The following TNKS variants were observed in gnomAD, a reference collection of about 807,000 sequenced individuals.
TNKS encodes the protein poly [ADP-ribose] polymerase tankyrase-1.
A neutral mutation model predicts 135.8 loss-of-function variants in TNKS; 72 were observed. The observed-to-expected ratio is 0.53, with a 90% CI of 0.44 to 0.64. The LOEUF (loss-of-function observed/expected upper bound fraction) is 0.64. TNKS is among the 30% of genes least tolerant of loss of function. The probability of loss-of-function intolerance (pLI) is 0.00; values close to 1 mark genes in which losing one functional copy is unlikely to be tolerated. For synonymous variants in TNKS, 849 were observed against 649.3 expected (o/e 1.31, Z -4.68); for missense variants, 1,769 against 1,674.0 (o/e 1.06, Z -0.99).
chr8:9,609,135 G>C (rs73664756), intron 2 of TNKS, among the ~76,000 whole-genome samples: 2,283 of 151,850 alleles, frequency 0.015, 48 homozygotes, highest in African/African-American at 0.049. Context: ...AACACAATAA[G>C]CATGGTTCTT....
At chr8:9,766,736 G>A (rs1418371908) in intron 25 of TNKS, among the ~76,000 whole-genome samples, 1 of 151,902 alleles carries the variant, frequency 6.6e-6, no homozygotes, top group African/African-American at 2.4e-5. Flanking sequence ...TGCCCACCTC[G>A]GCCTCCCAAA....
chr8:9,598,323 A>G (rs1277196846), intron 2 of TNKS, among the ~76,000 whole-genome samples: 10 of 152,174 alleles, frequency 6.6e-5, no homozygotes, highest in Admixed American at 6.5e-4. Flanking sequence ...CTGGGATTAC[A>G]GGTGTGAGCC....
intron 1 of TNKS, among the ~76,000 whole-genome samples, chr8:9,560,416 A>G (rs1313043340): frequency 6.6e-6 from 1 of 150,738 alleles, no homozygotes; most frequent in Non-Finnish European, 1.5e-5. Flanking sequence ...ATCTACTACA[A>G]TACATATTTA....
At position 9,694,934 on chromosome 8, in the gene TNKS, T is replaced by TG. The variant is rs1803444403; in HGVS notation, c.1108-9728dup. On this transcript the variant is annotated intron_variant, in intron 5 of 26. Coordinates refer to ENST00000310430, the MANE Select transcript of TNKS (RefSeq NM_003747.3). ...GCTTTTAGATGAAAGGTGAGCTAGA[T>TG]GCTAGGCTATTCTGTCTAGATGGTA... Among the ~76,000 whole-genome samples, 4 of 152,324 alleles carry TG rather than the reference T, an allele frequency of 2.6e-5. No homozygotes were observed. In the South Asian group the frequency reaches 8.3e-4, roughly 32 times the overall value.
At chr8:9,596,138 T>A (rs1326649930) in intron 2 of TNKS, among the ~76,000 whole-genome samples, 1 of 152,094 alleles carries the variant, frequency 6.6e-6, no homozygotes, top group Non-Finnish European at 1.5e-5. Context: ...CATACATACG[T>A]ACATACACAC....
In TNKS at chr8:9,600,310, A is replaced by T. The variant is rs572257169; in HGVS notation, c.899-15272A>T. 5.3e-5 allele frequency among the ~76,000 whole-genome samples: 8 copies of T among 152,238 alleles called. No homozygotes were observed. In the South Asian group the frequency reaches 1.0e-3, roughly 20 times the overall value. ...TTTTTTTGAACTTTTAAGAATTTTA[A>T]TTAAAAGTTGTGGGGTTTTTTGAGA... On this transcript the variant is annotated intron_variant, in intron 2 of 26. Coordinates refer to ENST00000310430, the MANE Select transcript of TNKS (RefSeq NM_003747.3).
At chr8:9,769,972 A>T in intron 25 of TNKS, 134 bp from the exon 26 acceptor site, 1 of 725,030 alleles carries the variant, frequency 1.4e-6, no homozygotes, top group Non-Finnish European at 2.2e-6. Context: ...TCCCATTCCT[A>T]CTCATAAATC....
chr8:9,580,025 C>G, intron 1 of TNKS, 134 bp from the exon 2 acceptor site: 2 of 697,626 alleles, frequency 2.9e-6, no homozygotes, highest in Admixed American at 2.8e-5. Context: ...GCTAATGTTT[C>G]TTTTGTTTTA....
intron 3 of TNKS, among the ~76,000 whole-genome samples, chr8:9,654,504 T>C (rs1801272963): frequency 6.6e-6 from 1 of 152,260 alleles, no homozygotes; most frequent in Non-Finnish European, 1.5e-5. Flanking sequence ...ATGTTTTTAT[T>C]GGTTAAAGAA....
At chr8:9,562,332 A>T (rs1156248154) in intron 1 of TNKS, among the ~76,000 whole-genome samples, 2 of 152,036 alleles carry the variant, frequency 1.3e-5, no homozygotes, top group African/African-American at 4.8e-5. Context: ...AGAAATTTTA[A>T]ATTTAATTTA....
intron 5 of TNKS, among the ~76,000 whole-genome samples, chr8:9,695,556 T>C (rs1803475973): frequency 6.6e-6 from 1 of 152,116 alleles, no homozygotes. Flanking sequence ...TAGAGTGAGA[T>C]GAAGACCCAC....
intron 2 of TNKS, among the ~76,000 whole-genome samples, chr8:9,607,778 T>A (rs1371070886): frequency 6.6e-6 from 1 of 152,228 alleles, no homozygotes; most frequent in Non-Finnish European, 1.5e-5. Flanking sequence ...TCACAGAGAA[T>A]ATTTTAAAGA....
intron 1 of TNKS, among the ~76,000 whole-genome samples, chr8:9,565,613 C>A (rs1044835444): frequency 6.6e-6 from 1 of 152,226 alleles, no homozygotes; most frequent in South Asian, 2.1e-4. Context: ...GTAATCCCAG[C>A]ACTTTGGGAG....
Position 9,751,765 on chromosome 8 carries a change from G to A in TNKS, c.2989G>A (p.Gly997Ser), listed in dbSNP as rs1806547795. The change falls in exon 19 of 27, where the codon GGC becomes AGC. Residue 997 changes from glycine to serine, a missense_variant. Around this residue, in one of 5 missense-constraint regions of TNKS, gnomAD observed 722 missense variants for 688.9 expected, o/e 1.05. Transcript: ENST00000310430. ...SAASSIDNLT[G>S]PLAELAVGGA... Reference sequence around the variant, plus strand: ...TGCCAGCAGCATAGACAACCTCACTGGCCCTTTAGCAGAGTTGGCCGTAGG... The same window carrying A: ...TGCCAGCAGCATAGACAACCTCACTAGCCCTTTAGCAGAGTTGGCCGTAGG... 6.2e-7 allele frequency: 1 copy of A among 1,614,118 alleles called. No individual in the cohort carries two copies. The highest frequency in any genetic ancestry group is 8.5e-7 in the Non-Finnish European group (1 of 1,180,026).
intron 3 of TNKS, among the ~76,000 whole-genome samples, chr8:9,623,105 A>G (rs1055179298): frequency 1.3e-5 from 2 of 152,194 alleles, no homozygotes; most frequent in East Asian, 3.8e-4. Flanking sequence ...ACCTATTTTC[A>G]GACTGTGGTT....
rs754873361 is a variant in TNKS, at chr8:9,556,113, C to T, written c.174C>T (p.Ser58=). ...CCAGCGGCCTGGCCCCCTTCGCCTC[C>T]CCGCGGCACGGCCTAGCGCTGCCGG... The part of the protein sequence containing the change: ...PTASGLAPFA[S]PRHGLALPEG... The change falls in exon 1 of 27, where the codon TCC becomes TCT. Residue 58 remains serine (S), a synonymous_variant. Coordinates refer to ENST00000310430, the MANE Select transcript of TNKS (RefSeq NM_003747.3). 8 of 1,601,282 alleles carry T rather than the reference C, an allele frequency of 5.0e-6. 1 individual carries two copies. The South Asian group carries it at 7.8e-5, about 16-fold the overall frequency.
intron 2 of TNKS, among the ~76,000 whole-genome samples, chr8:9,602,338 G>T (rs1261151403): frequency 6.6e-6 from 1 of 152,168 alleles, no homozygotes. Context: ...GAAAGGAAAA[G>T]GGCCAAAGGA....
intron 2 of TNKS, among the ~76,000 whole-genome samples, chr8:9,601,351 A>G (rs1799008816): frequency 6.6e-6 from 1 of 152,226 alleles, no homozygotes; most frequent in Non-Finnish European, 1.5e-5. Context: ...TTATTGCAGT[A>G]GCTACTCATT....
At chr8:9,563,680 C>G (rs951221704) in intron 1 of TNKS, among the ~76,000 whole-genome samples, 2 of 152,174 alleles carry the variant, frequency 1.3e-5, no homozygotes, top group East Asian at 3.9e-4. Flanking sequence ...CCTTTTATTT[C>G]TAACTCAGGC....
Sources: gnomAD v4.1 joint callset for allele counts (sites outside exome capture counted in the v4.1 genomes callset) on GRCh38, gnomAD v4.1.1 for gene constraint, gnomAD v4.1.1 regional missense constraint, MANE v1.5 for transcripts, NCBI Gene and HGNC (gene_info 2026-07-23, HGNC 2026-07-21) for gene names.